The following MAP2K6 variants were observed in gnomAD, a reference collection of about 807,000 sequenced individuals.
The protein encoded by MAP2K6 is mitogen-activated protein kinase kinase 6.
MAP2K6 carries 16 observed loss-of-function variants against 53.7 expected under a neutral mutation model. The observed-to-expected ratio is 0.30, with a 90% CI of 0.20 to 0.45. The LOEUF (loss-of-function observed/expected upper bound fraction) is 0.45, where lower values mean the gene tolerates loss of function less well. MAP2K6 is among the 20% of genes least tolerant of loss of function. MAP2K6 has a pLI of 1.00. For missense variants in MAP2K6, 204 were observed against 411.9 expected, an observed-to-expected ratio of 0.50 and a Z score of 4.37; for synonymous variants, 132 against 143.1, an observed-to-expected ratio of 0.92 and a Z score of 0.55.
At chr17:69,497,670 TCCA>T (rs1909000574) in intron 1 of MAP2K6, among the ~76,000 whole-genome samples, 1 of 152,224 alleles carries the variant, frequency 6.6e-6, no homozygotes, top group South Asian at 2.1e-4. Context: ...GGTTTCTCTC[TCCA>T]CCACTTTTCA....
At chr17:69,472,461 C>T (rs1035289934) in intron 1 of MAP2K6, among the ~76,000 whole-genome samples, 6 of 152,086 alleles carry the variant, frequency 3.9e-5, no homozygotes, top group East Asian at 3.9e-4. Flanking sequence ...ACATTCTGCC[C>T]GTGTCTGCAA....
chr17:69,475,300 C>A (rs1394259165), intron 1 of MAP2K6, among the ~76,000 whole-genome samples: 1 of 151,488 alleles, frequency 6.6e-6, no homozygotes, highest in Non-Finnish European at 1.5e-5. Context: ...TCCCAAGTAG[C>A]TGGGACTACA....
intron 1 of MAP2K6, among the ~76,000 whole-genome samples, chr17:69,500,167 C>T (rs1467508404): frequency 6.6e-6 from 1 of 152,122 alleles, no homozygotes; most frequent in Non-Finnish European, 1.5e-5. Flanking sequence ...GGCACAGTGG[C>T]TCACACCTGT....
chr17:69,537,039 G>C (rs1369360259), intron 11 of MAP2K6, among the ~76,000 whole-genome samples: 1 of 152,162 alleles, frequency 6.6e-6, no homozygotes, highest in African/African-American at 2.4e-5. Flanking sequence ...CCGTGATTGT[G>C]CCACTGAATT....
Position 69,515,160 on chromosome 17 carries a change from CT to C in MAP2K6, c.84-1681del, listed in dbSNP as rs879532445. On this transcript the variant is annotated intron_variant, in intron 2 of 11. Coordinates refer to ENST00000590474, the MANE Select transcript of MAP2K6 (RefSeq NM_002758.4). ...TTAACAATTTGTTTCTCGAAATTTG[CT>C]TTTTTTTTTTTTTAATACAGAGTCT... 4.2e-3 allele frequency among the ~76,000 whole-genome samples: 575 copies of C among 138,300 alleles called. 1 individual carries two copies. Among genetic ancestry groups the C allele is most frequent in the Middle Eastern group, 0.011 (3 of 272 alleles). The allele number at this position is 138,300 out of a possible 152,430, so 90.7% of individuals were successfully genotyped here.
chr17:69,510,728 A>T (rs746432123), intron 2 of MAP2K6, among the ~76,000 whole-genome samples: 4 of 151,980 alleles, frequency 2.6e-5, no homozygotes, highest in Non-Finnish European at 4.4e-5. Flanking sequence ...AAGTTGTCAC[A>T]TTTATGAGAG....
chr17:69,462,269 T>TG (rs1223481099), intron 1 of MAP2K6, among the ~76,000 whole-genome samples: 1 of 152,008 alleles, frequency 6.6e-6, no homozygotes, highest in African/African-American at 2.4e-5. Flanking sequence ...GGATGGACTC[T>TG]GGTCAGCTGA....
intron 10 of MAP2K6, among the ~76,000 whole-genome samples, chr17:69,529,023 C>G (rs1478203991): frequency 6.6e-6 from 1 of 152,034 alleles, no homozygotes; most frequent in Non-Finnish European, 1.5e-5. Context: ...TCCCAAGATT[C>G]TGGGTGCTTT....
At chr17:69,454,982 A>C (rs1474906814) in intron 1 of MAP2K6, among the ~76,000 whole-genome samples, 3 of 151,794 alleles carry the variant, frequency 2.0e-5, no homozygotes, top group Admixed American at 6.6e-5. Context: ...AATTTCAAAG[A>C]CTTAGTGCTT....
chr17:69,491,069 G>A (rs1251297916), intron 1 of MAP2K6, among the ~76,000 whole-genome samples: 1 of 150,430 alleles, frequency 6.6e-6, no homozygotes, highest in African/African-American at 2.5e-5. Context: ...TTTTATGGCT[G>A]CATAGTACTT....
chr17:69,480,165 G>A (rs1334842378), intron 1 of MAP2K6, among the ~76,000 whole-genome samples: 1 of 152,076 alleles, frequency 6.6e-6, no homozygotes, highest in African/African-American at 2.4e-5. Flanking sequence ...CTGGAGAGCC[G>A]AGCATTCTAA....
At position 69,496,172 on chromosome 17, in the gene MAP2K6, CGGATGGA is replaced by C. The variant is rs1567839749; in HGVS notation, c.17-9607_17-9601del. On this transcript the variant is annotated intron_variant, in intron 1 of 11. Coordinates refer to ENST00000590474, the MANE Select transcript of MAP2K6 (RefSeq NM_002758.4). ...TAAAATGGGGCCATTTCCCAATTAG[CGGATGGA>C]CAGGCTGGCTCATTCTTCTTTGACA... 1.4e-4 allele frequency among the ~76,000 whole-genome samples: 21 copies of C among 151,942 alleles called. No individual in the cohort carries two copies. In the South Asian group the frequency reaches 3.3e-3, roughly 24 times the overall value.
At chr17:69,504,810 A>G (rs1281930103) in intron 1 of MAP2K6, among the ~76,000 whole-genome samples, 1 of 152,122 alleles carries the variant, frequency 6.6e-6, no homozygotes, top group African/African-American at 2.4e-5. Context: ...TTACCTTTCC[A>G]TTTGGCCCAA....
chr17:69,507,024 T>C (rs1224821070), intron 2 of MAP2K6, among the ~76,000 whole-genome samples: 1 of 152,158 alleles, frequency 6.6e-6, no homozygotes, highest in Non-Finnish European at 1.5e-5. Context: ...ACTGTGTAAT[T>C]ACTATTGTTT....
chr17:69,529,623 G>T (rs1328489047), intron 10 of MAP2K6, among the ~76,000 whole-genome samples: 2 of 147,968 alleles, frequency 1.4e-5, no homozygotes, highest in Non-Finnish European at 3.0e-5. Context: ...CCATTCTCCT[G>T]CCTCAGCCTC....
intron 1 of MAP2K6, among the ~76,000 whole-genome samples, chr17:69,471,029 G>A (rs1907965983): frequency 6.6e-6 from 1 of 152,186 alleles, no homozygotes; most frequent in African/African-American, 2.4e-5. Flanking sequence ...CTGCACACAG[G>A]AAGAGCTCAG....
At chr17:69,444,432 G>A (rs1906909929) in intron 1 of MAP2K6, among the ~76,000 whole-genome samples, 1 of 152,146 alleles carries the variant, frequency 6.6e-6, no homozygotes, top group Non-Finnish European at 1.5e-5. Context: ...AGAATTTGGT[G>A]TAGCTCACTC....
At chr17:69,467,311 A>G (rs1598276520) in intron 1 of MAP2K6, among the ~76,000 whole-genome samples, 1 of 152,350 alleles carries the variant, frequency 6.6e-6, no homozygotes, top group Admixed American at 6.5e-5. Flanking sequence ...AACTCCTGGG[A>G]TGATGTTTTA....
chr17:69,486,400 G>A (rs1317972734), intron 1 of MAP2K6, among the ~76,000 whole-genome samples: 2 of 152,206 alleles, frequency 1.3e-5, no homozygotes, highest in African/African-American at 2.4e-5. Context: ...ATTTGGTTAA[G>A]TGTGTTCATT....
Sources: gnomAD v4.1 joint callset for allele counts (sites outside exome capture counted in the v4.1 genomes callset) on GRCh38, gnomAD v4.1.1 for gene constraint, MANE v1.5 for transcripts, NCBI Gene and HGNC (gene_info 2026-07-23, HGNC 2026-07-21) for gene names.